Variants in ATP2B2 observed in about 807,000 individuals in gnomAD.
The protein encoded by ATP2B2 is plasma membrane calcium-transporting ATPase 2.
A neutral mutation model predicts 120.0 loss-of-function variants in ATP2B2; 15 were observed. That is an observed-to-expected ratio of 0.12 (90% CI 0.08 to 0.19). ATP2B2 has a LOEUF of 0.19. Among genes scored for constraint, ATP2B2 ranks in the 10% least tolerant of loss-of-function variants. The probability of loss-of-function intolerance (pLI) is 1.00; values close to 1 mark genes in which losing one functional copy is unlikely to be tolerated. For synonymous variants in ATP2B2, 694 were observed against 700.3 expected, an observed-to-expected ratio of 0.99 and a Z score of 0.14; for missense variants, 1,045 against 1,719.8, an observed-to-expected ratio of 0.61 and a Z score of 6.94.
intron 1 of ATP2B2, among the ~76,000 whole-genome samples, chr3:10,454,811 T>G (rs1303288916): frequency 6.6e-6 from 1 of 152,214 alleles, no homozygotes; most frequent in Admixed American, 6.5e-5. Flanking sequence ...CAGAACACTC[T>G]TCACTACCTG....
At chr3:10,640,000 T>C (rs1296227243) in intron 1 of ATP2B2, among the ~76,000 whole-genome samples, 1 of 152,000 alleles carries the variant, frequency 6.6e-6, no homozygotes, top group Admixed American at 6.5e-5. Flanking sequence ...TTGGGTACTA[T>C]TGGTGTTTTT....
Position 10,653,544 on chromosome 3 carries a change from A to G in ATP2B2, c.-459-33583T>C, listed in dbSNP as rs2125669538. Among the ~76,000 whole-genome samples the G allele has an allele frequency of 1.3e-5, 2 of 152,290 alleles. 1 individual carries two copies. Among genetic ancestry groups the G allele is most frequent in the Admixed American group, 1.3e-4 (2 of 15,304 alleles). On this transcript the variant is annotated intron_variant, in intron 1 of 21. Coordinates refer to the ATP2B2 transcript ENST00000646379. The stretch of plus-strand genomic sequence containing the variant: ...AGGGAACTCCCAATGCAGTTTCCAG[A>G]ATGCTCCGCCAAAGGCAGAATCCCT...
rs570791078 is a variant in ATP2B2 at position 10,451,262 on chromosome 3, G to A, written c.-319-1400C>T. Among the ~76,000 whole-genome samples, 24 of 152,288 alleles carry A rather than the reference G, an allele frequency of 1.6e-4. No individual in the cohort carries two copies. The South Asian group carries it at 4.8e-3, about 30-fold the overall frequency. ...AGGGGGTGCTCCCGCGTTTGTCTCC[G>A]AAGAGCCCTGGTGGGTGGGTGGACT... On this transcript the variant is annotated intron_variant, in intron 1 of 22. Transcript: ENST00000360273.
At position 10,358,781 on chromosome 3, in the gene ATP2B2, G is replaced by C; in HGVS notation, c.2046C>G (p.Ser682Arg). 1 of 1,614,246 alleles carries C rather than the reference G, an allele frequency of 6.2e-7. No homozygotes were observed. Among genetic ancestry groups the C allele is most frequent in the Non-Finnish European group, 8.5e-7 (1 of 1,180,046 alleles). Residue 682 changes from serine to arginine, a missense_variant, in exon 14 of 23, where the codon AGC becomes AGG. Transcript: ENST00000360273. ...TCTCATTGTCCCAGTCCGGCTCCGG[G>C]CTGCTGGGGAAGTCGCGGTAGGCCA... ...ICVAYRDFPS[S>R]PEPDWDNEND...
chr3:10,690,444 C>CTA (rs1202189982), intron 1 of ATP2B2, among the ~76,000 whole-genome samples: 4 of 150,520 alleles, frequency 2.7e-5, no homozygotes, highest in African/African-American at 9.9e-5. Flanking sequence ...ATCTATCTAT[C>CTA]TATCTATCTA....
At chr3:10,338,618 T>G (rs959004644) in intron 21 of ATP2B2, 1 of 495,416 alleles carries the variant, frequency 2.0e-6, no homozygotes, top group Non-Finnish European at 3.6e-6. Flanking sequence ...TCATTCAGAG[T>G]CAGGGTACAT....
intron 1 of ATP2B2, among the ~76,000 whole-genome samples, chr3:10,685,487 C>T (rs925504802): frequency 2.0e-5 from 3 of 151,836 alleles, no homozygotes; most frequent in African/African-American, 7.2e-5. Context: ...TAAAGGTCTC[C>T]TCACTTGCCT....
intron 1 of ATP2B2, among the ~76,000 whole-genome samples, chr3:10,494,008 A>C (rs1373378589): frequency 6.6e-6 from 1 of 152,136 alleles, no homozygotes; most frequent in African/African-American, 2.4e-5. Flanking sequence ...TGGGGCTGGG[A>C]AGGTAGGGTG....
intron 3 of ATP2B2, among the ~76,000 whole-genome samples, chr3:10,522,392 G>A (rs2067002754): frequency 6.6e-6 from 1 of 152,150 alleles, no homozygotes; most frequent in South Asian, 2.1e-4. Context: ...TCCCATATCT[G>A]TTTGACTGCA....
chr3:10,586,946 C>G (rs1179240206), intron 2 of ATP2B2, among the ~76,000 whole-genome samples: 4 of 152,204 alleles, frequency 2.6e-5, no homozygotes. Context: ...CTCCCCATCT[C>G]TGCCTCACAT....
At chr3:10,474,628 C>T (rs35826114) in intron 1 of ATP2B2, among the ~76,000 whole-genome samples, 25 of 152,252 alleles carry the variant, frequency 1.6e-4, no homozygotes, top group African/African-American at 5.3e-4. Flanking sequence ...CTGACACACA[C>T]GCCTGCCTGC....
rs1158776536 is a variant in ATP2B2, at chr3:10,350,159, C to T, written c.2357G>A (p.Arg786Gln). ...ERIDKIWPKL[R>Q]VLARSSPTDK... is the part of the protein sequence containing the mutation. ...CGTTGGGGAGGAGCGAGCCAGCACCCGCAGCTTTGGCCAGATCTTGTCAAT... is the reference window on the plus strand; with the variant it reads ...CGTTGGGGAGGAGCGAGCCAGCACCTGCAGCTTTGGCCAGATCTTGTCAAT... The change falls in exon 16 of 23, where the codon CGG (arginine) becomes CAG (glutamine). Residue 786 changes from arginine to glutamine, a missense_variant. Coordinates refer to ENST00000360273, the MANE Select transcript of ATP2B2 (RefSeq NM_001001331.4). 7 of 1,612,232 alleles carry T rather than the reference C, an allele frequency of 4.3e-6. No individual in the cohort carries two copies. Among genetic ancestry groups the T allele is most frequent in the African/African-American group, 1.3e-5 (1 of 74,402 alleles).
intron 10 of ATP2B2, among the ~76,000 whole-genome samples, chr3:10,377,957 A>G (rs2061425367): frequency 6.6e-6 from 1 of 152,218 alleles, no homozygotes; most frequent in Non-Finnish European, 1.5e-5. Context: ...AGAGGCTCAG[A>G]GCTAGAAGTT....
At chr3:10,464,363 T>C (rs75450774) in intron 1 of ATP2B2, among the ~76,000 whole-genome samples, 2,617 of 152,098 alleles carry the variant, frequency 0.017, 86 homozygotes, top group African/African-American at 0.061. Flanking sequence ...ACCCTAGCCT[T>C]GATGAAGCTG....
intron 2 of ATP2B2, among the ~76,000 whole-genome samples, chr3:10,420,494 T>C (rs2062938431): frequency 6.6e-6 from 1 of 152,148 alleles, no homozygotes; most frequent in South Asian, 2.1e-4. Flanking sequence ...CCCGAGTAGC[T>C]GGGGTTACAG....
At chr3:10,495,263 G>A (rs909038780) in intron 1 of ATP2B2, among the ~76,000 whole-genome samples, 1 of 152,144 alleles carries the variant, frequency 6.6e-6, no homozygotes, top group Admixed American at 6.5e-5. Context: ...TTGGGGGAGG[G>A]GCTAATACCA....
chr3:10,585,211 TG>T, intron 2 of ATP2B2, among the ~76,000 whole-genome samples: 1 of 152,198 alleles, frequency 6.6e-6, no homozygotes, highest in South Asian at 2.1e-4. Flanking sequence ...TAAGATCCAG[TG>T]AGAGGCCGGG....
chr3:10,645,531 C>T lies in ATP2B2; in HGVS notation c.-459-25570G>A, dbSNP rs148894419. Among the ~76,000 whole-genome samples, 107 of 152,130 alleles carry T rather than the reference C, an allele frequency of 7.0e-4. 2 individuals carry two copies. Among genetic ancestry groups the T allele is most frequent in the African/African-American group, 2.4e-3 (99 of 41,504 alleles). ...TGTGGACGCACACAGATAAAGCACA[C>T]GAGGAAAGTAGAAACAATGGTGCTT... is the stretch of plus-strand genomic sequence containing the variant. On this transcript the variant is annotated intron_variant, in intron 1 of 21. Transcript: ENST00000646379.
chr3:10,546,417 G>T (rs1232118872), intron 2 of ATP2B2, among the ~76,000 whole-genome samples: 14 of 152,088 alleles, frequency 9.2e-5, no homozygotes, highest in African/African-American at 3.4e-4. Context: ...GGCCCACCCT[G>T]CCCAGCCCCT....
Sources: gnomAD v4.1 joint callset for allele counts (sites outside exome capture counted in the v4.1 genomes callset) on GRCh38, gnomAD v4.1.1 for gene constraint, MANE v1.5 for transcripts, NCBI Gene and HGNC (gene_info 2026-07-23, HGNC 2026-07-21) for gene names.